The following TENM2 variants were observed in gnomAD, a reference collection of about 807,000 sequenced individuals.
The protein encoded by TENM2 is teneurin transmembrane protein 2.
In TENM2, 52 loss-of-function variants were observed where a neutral mutation model predicts 245.2. The ratio of observed to expected loss-of-function variants is 0.21; its 90% confidence interval spans 0.17 to 0.27. The LOEUF (loss-of-function observed/expected upper bound fraction) is 0.27. Among genes scored for constraint, TENM2 ranks in the 10% least tolerant of loss-of-function variants. The pLI is 1.00. For missense variants in TENM2, 3,046 were observed against 3,666.8 expected, an observed-to-expected ratio of 0.83 and a Z score of 4.37; for synonymous variants, 1,363 against 1,438.9, an observed-to-expected ratio of 0.95 and a Z score of 1.19.
At chr5:168,204,306 G>T (rs892905212) in intron 18 of TENM2, 66 bp from the exon 21 acceptor site, 3 of 1,530,660 alleles carry the variant, frequency 2.0e-6, no homozygotes, top group Non-Finnish European at 1.8e-6. Flanking sequence ...CTCCCTCCCA[G>T]TTGGCCAATA....
At chr5:168,177,648 T>C (rs1418449393) in intron 13 of TENM2, among the ~76,000 whole-genome samples, 1 of 152,062 alleles carries the variant, frequency 6.6e-6, no homozygotes, top group Non-Finnish European at 1.5e-5. Context: ...ACCAGTCTGG[T>C]CAATATAGCA....
chr5:167,500,243 C>G (rs1403448685), intron 2 of TENM2, among the ~76,000 whole-genome samples: 2 of 152,032 alleles, frequency 1.3e-5, no homozygotes, highest in Admixed American at 1.3e-4. Flanking sequence ...CCTTTGTTGT[C>G]TGTAGCAGGT....
the TENM2 span, among the ~76,000 whole-genome samples, chr5:167,174,957 C>G: frequency 6.6e-6 from 1 of 151,702 alleles, no homozygotes; most frequent in East Asian, 1.9e-4. Context: ...TCGCTTAGCA[C>G]AATGTCCTCT....
chr5:168,049,793 T>G (rs1788919317), intron 6 of TENM2, among the ~76,000 whole-genome samples: 1 of 152,170 alleles, frequency 6.6e-6, no homozygotes, highest in African/African-American at 2.4e-5. Flanking sequence ...GACAAAATGT[T>G]ATTTTGTTTT....
chr5:167,859,049 A>C (rs943003252), intron 2 of TENM2, among the ~76,000 whole-genome samples: 545 of 106,474 alleles, frequency 5.1e-3, no homozygotes, highest in Non-Finnish European at 6.5e-3. Context: ...GGCCGCCATC[A>C]CATCTAGGAA....
chr5:167,254,683 G>A, the TENM2 span, among the ~76,000 whole-genome samples: 1 of 152,096 alleles, frequency 6.6e-6, no homozygotes, highest in Non-Finnish European at 1.5e-5. Context: ...TGACTGCTAT[G>A]ACATAATAAA....
the TENM2 span, among the ~76,000 whole-genome samples, chr5:166,996,605 G>T: frequency 2.6e-5 from 4 of 152,302 alleles, no homozygotes; most frequent in Middle Eastern, 3.4e-3. Context: ...TGTGTGGTTT[G>T]CAGAGGTTAA....
intron 7 of TENM2, among the ~76,000 whole-genome samples, chr5:168,076,193 ATT>A (rs1471950318): frequency 1.1e-4 from 3 of 26,756 alleles, no homozygotes; most frequent in African/African-American, 4.0e-4. Flanking sequence ...ATTTTATTTT[ATT>A]TTATTTTATT....
At chr5:167,482,335 G>A (rs993158933) in intron 2 of TENM2, among the ~76,000 whole-genome samples, 2 of 152,156 alleles carry the variant, frequency 1.3e-5, no homozygotes, top group Middle Eastern at 3.4e-3. Context: ...CTTTGCAAAC[G>A]TGATTTGTAT....
chr5:167,959,457 A>G (rs3101757), intron 4 of TENM2, among the ~76,000 whole-genome samples: 2,707 of 152,206 alleles, frequency 0.018, 77 homozygotes, highest in African/African-American at 0.062. Flanking sequence ...TTGATCTTCA[A>G]TCCCTGAAAT....
At chr5:167,836,844 C>G (rs35949741) in intron 2 of TENM2, among the ~76,000 whole-genome samples, 1 of 151,878 alleles carries the variant, frequency 6.6e-6, no homozygotes, top group African/African-American at 2.4e-5. Context: ...AACTACAAAC[C>G]GGCTATCTCA....
chr5:167,588,412 C>T (rs1775652365), intron 2 of TENM2, among the ~76,000 whole-genome samples: 1 of 152,188 alleles, frequency 6.6e-6, no homozygotes, highest in Admixed American at 6.5e-5. Flanking sequence ...GAGAGCATTT[C>T]TTTCTCTCCA....
chr5:167,801,414 A>T (rs1315736131), intron 2 of TENM2, among the ~76,000 whole-genome samples: 1 of 151,966 alleles, frequency 6.6e-6, no homozygotes, highest in Non-Finnish European at 1.5e-5. Context: ...ATCCTAATGG[A>T]ACTAACAGTC....
At chr5:167,271,508 T>C in the TENM2 span, among the ~76,000 whole-genome samples, 1 of 152,166 alleles carries the variant, frequency 6.6e-6, no homozygotes, top group Non-Finnish European at 1.5e-5. Context: ...TATTTGTCTT[T>C]TCATTGCTAT....
intron 2 of TENM2, among the ~76,000 whole-genome samples, chr5:167,544,979 C>A (rs962493541): frequency 6.6e-6 from 1 of 152,018 alleles, no homozygotes; most frequent in Non-Finnish European, 1.5e-5. Context: ...AGTTCACTGT[C>A]CCTGAGAATG....
At chr5:167,131,946 C>T in the TENM2 span, among the ~76,000 whole-genome samples, 1 of 152,152 alleles carries the variant, frequency 6.6e-6, no homozygotes, top group Admixed American at 6.5e-5. Context: ...CCTCAGCCTC[C>T]TGAGTAGCTA....
chr5:168,024,637 T>C (rs1424134471), intron 5 of TENM2, among the ~76,000 whole-genome samples: 2 of 152,192 alleles, frequency 1.3e-5, no homozygotes, highest in Non-Finnish European at 2.9e-5. Context: ...CACAGACGCT[T>C]GTTTCCTTTC....
At chr5:166,993,292 C>T in the TENM2 span, among the ~76,000 whole-genome samples, 1 of 152,124 alleles carries the variant, frequency 6.6e-6, no homozygotes, top group African/African-American at 2.4e-5. Context: ...GCAAGAGCTC[C>T]AGTGTCCTGT....
At chr5:168,249,453 G>GGTGTGTGTGT (rs3084277) in intron 27 of TENM2, among the ~76,000 whole-genome samples, 4,375 of 148,866 alleles carry the variant, frequency 0.029, 205 homozygotes, top group African/African-American at 0.093. Flanking sequence ...GTTCTCTCAA[G>GGTGTGTGTGT]GTGTGTGTGT....
Sources: allele counts gnomAD v4.1 joint callset (sites outside exome capture counted in the v4.1 genomes callset), GRCh38; gene constraint gnomAD v4.1.1; transcripts MANE v1.5; gene names NCBI Gene and HGNC (gene_info 2026-07-23, HGNC 2026-07-21).